The following LAMB2 variants were observed in gnomAD, a reference collection of about 807,000 sequenced individuals.
LAMB2 encodes laminin subunit beta-2.
A neutral mutation model predicts 202.7 loss-of-function variants in LAMB2; 119 were observed. That is an observed-to-expected ratio of 0.59 (90% confidence interval 0.51 to 0.68). LAMB2 has a LOEUF of 0.68. LAMB2 is among the 30% of genes least tolerant of loss of function. The pLI, the probability that LAMB2 is intolerant of heterozygous loss-of-function variation, is 0.00. For synonymous variants in LAMB2, 818 were observed against 902.2 expected (o/e 0.91, Z 1.67); for missense variants, 2,124 against 2,410.6 (o/e 0.88, Z 2.49).
intron 15 of LAMB2, among the ~76,000 whole-genome samples, chr3:49,127,944 C>T (rs1257527673): frequency 1.5e-5 from 2 of 135,052 alleles, no homozygotes; most frequent in Non-Finnish European, 3.1e-5. Context: ...TGCTTGAACC[C>T]GGGAGGTGGA....
chr3:49,122,196 G>A lies in LAMB2; in HGVS notation c.4748C>T (p.Ala1583Val). ...LARTVGDVRR[A>V]EQLLQDARRA... ...CCGTGCATCCTGCAGTAGCTGCTCG[G>A]CACGACGCACATCTCCTACAGTACG... Residue 1583 changes from alanine (A) to valine (V), a missense_variant, in exon 28 of 32, where the codon GCC (alanine) becomes GTC (valine). Transcript: ENST00000305544. 6.2e-7 allele frequency: 1 copy of A among 1,613,438 alleles called. No homozygotes were observed. Among genetic ancestry groups the A allele is most frequent in the Non-Finnish European group, 8.5e-7 (1 of 1,180,026 alleles).
In LAMB2 at chr3:49,123,208, T is replaced by C. The variant is rs754983373; in HGVS notation, c.4148A>G (p.His1383Arg). Residue 1383 changes from histidine (H) to arginine (R), a missense_variant, in exon 26 of 32, where the codon CAC (histidine) becomes CGC (arginine). By Grantham distance (29) the His-to-Arg change is conservative. Coordinates refer to ENST00000305544, the MANE Select transcript of LAMB2 (RefSeq NM_002292.4). The part of the protein sequence containing the change: ...DAQKEDFNSK[H>R]MANQRALGKL... The stretch of plus-strand genomic sequence containing the variant: ...GCCAAGTGCCCGCTGGTTGGCCATG[T>C]GTTTGCTGTTGAAGTCCTCCTTCTG... 2.6e-4 allele frequency: 426 copies of C among 1,613,818 alleles called. No individual in the cohort carries two copies. Among genetic ancestry groups the C allele is most frequent in the Non-Finnish European group, 3.5e-4 (418 of 1,180,030 alleles).
In LAMB2 at chr3:49,124,882, T is replaced by C. The variant is rs922832434; in HGVS notation, c.2928A>G (p.Pro976=). The stretch of plus-strand genomic sequence containing the variant: ...GTTGGCACCGGCCACCTGGCCTTGA[T>C]GGGTCCCCAAAGTGCCCAGGGGCAC... The part of the protein sequence containing the change: ...EACAPGHFGD[P]SRPGGRCQLC... Residue 976 remains proline, a synonymous_variant, in exon 21 of 32, where the codon CCA becomes CCG. Transcript: ENST00000305544. 1 of 1,614,114 alleles carries C rather than the reference T, an allele frequency of 6.2e-7. No homozygotes were observed. Among genetic ancestry groups the C allele is most frequent in the Non-Finnish European group, 8.5e-7 (1 of 1,180,024 alleles).
Position 49,122,065 on chromosome 3 carries a change from T to A in LAMB2, c.4802A>T (p.Lys1601Ile), listed in dbSNP as rs771959670. Reference protein sequence around the residue: ...RRARSWAEDEKQKAETVQAAL... With the variant: ...RRARSWAEDEIQKAETVQAAL... Reference sequence around the variant, plus strand: ...TGCCTGTACTGTCTCTGCCTTCTGTTTCTCATCCTCAGCCCAGCTCCTGGG... The same window carrying A: ...TGCCTGTACTGTCTCTGCCTTCTGTATCTCATCCTCAGCCCAGCTCCTGGG... The change falls in exon 29 of 32, where the codon AAA (lysine) becomes ATA (isoleucine). Residue 1601 changes from lysine (K) to isoleucine (I), a missense_variant. Transcript: ENST00000305544. 6.2e-7 allele frequency: 1 copy of A among 1,613,548 alleles called. No homozygotes were observed. Among genetic ancestry groups the A allele is most frequent in the East Asian group, 2.2e-5 (1 of 44,886 alleles).
In LAMB2 at chr3:49,121,316, C is replaced by T. The variant is rs2045222195; in HGVS notation, c.5307G>A (p.Lys1769=). The T allele has an allele frequency of 6.2e-7, 1 of 1,613,816 alleles. No homozygotes were observed. The highest frequency in any genetic ancestry group is 8.5e-7 in the Non-Finnish European group (1 of 1,180,036). The part of the protein sequence containing the change: ...YEENERALES[K]AAQLDGLEAR... ...CCTCCAACCCGTCCAACTGGGCTGC[C>T]TTACTCTCCAGTGCCCGCTCATTTT... Residue 1769 remains lysine, a synonymous_variant, in exon 32 of 32, where the codon AAG becomes AAA. Transcript: ENST00000305544.
Position 49,132,218 on chromosome 3 carries a change from C to CA in LAMB2, c.386-30dup. 6.2e-7 allele frequency: 1 copy of CA among 1,614,182 alleles called. No homozygotes were observed. Among genetic ancestry groups the CA allele is most frequent in the South Asian group, 1.1e-5 (1 of 91,074 alleles). On this transcript the variant is annotated intron_variant, in intron 3 of 31. Coordinates refer to ENST00000305544, the MANE Select transcript of LAMB2 (RefSeq NM_002292.4). This position sits in a 1 kb window ranked among gnomAD's most constrained non-coding sequence, Gnocchi z 4.6. Reference sequence around the variant, plus strand: ...GGACAGGAATCGGAAGTCAAGGACTCAAAGCTACTGGTGGGCAGCCCTGCT... The same window carrying CA: ...GGACAGGAATCGGAAGTCAAGGACTCAAAAGCTACTGGTGGGCAGCCCTGCT...
chr3:49,122,579 G>A (rs1426048019), intron 27 of LAMB2, 125 bp downstream of exon 27: 1 of 995,902 alleles, frequency 1.0e-6, no homozygotes, highest in South Asian at 1.3e-5. Context: ...TCAGGAGCCA[G>A]TCAAGGGATC....
Position 49,131,971 on chromosome 3 carries a change from C to G in LAMB2, c.459+145G>C. ...AAGGCAGAAGAGCATGTGCAAAGGC[C>G]TGGAGGCAAATGGAAGGTGTGAAGG... On this transcript the variant is annotated intron_variant, in intron 4 of 31. Transcript: ENST00000305544. The surrounding 1 kb of genome is among the most constrained non-coding windows in gnomAD (Gnocchi z 5.0). 2.2e-6 allele frequency: 2 copies of G among 916,250 alleles called. No individual in the cohort carries two copies. Among genetic ancestry groups the G allele is most frequent in the Non-Finnish European group, 3.5e-6 (2 of 563,848 alleles). 56.8% of individuals were successfully genotyped at this position (916,250 alleles called of 1,614,324 possible). A position where few individuals can be genotyped will look rare whatever the true frequency, so the allele number is the denominator to read the frequency against.
intron 15 of LAMB2, among the ~76,000 whole-genome samples, chr3:49,126,774 A>G (rs2045420806): frequency 1.3e-5 from 2 of 152,120 alleles, no homozygotes. Flanking sequence ...GAACTTGCCA[A>G]TTCTCCTCAA....
chr3:49,121,797 A>C lies in LAMB2; in HGVS notation c.4987T>G (p.Leu1663Val), dbSNP rs371375999. 6.2e-7 allele frequency: 1 copy of C among 1,613,190 alleles called. No individual in the cohort carries two copies. Among genetic ancestry groups the C allele is most frequent in the Admixed American group, 1.7e-5 (1 of 60,010 alleles). ...LSSAGERARQ[L>V]DALLEALKLK... ...TTCAGAGCCTCCAGGAGAGCATCCA[A>C]CTGCCGAGCCCTTTCACCTGCAGAG... Residue 1663 changes from leucine (L) to valine (V), a missense_variant, in exon 30 of 32, where the codon TTG (leucine) becomes GTG (valine). Physicochemically the swap from Leu to Val is conservative, Grantham distance 32 (BLOSUM62 1). Around this residue, in one of 3 missense-constraint regions of LAMB2, gnomAD observed 1,702 missense variants for 1,896.3 expected, o/e 0.90. Transcript: ENST00000305544.
At position 49,130,088 on chromosome 3, in the gene LAMB2, C is replaced by T; in HGVS notation, c.1226-70G>A. 1.9e-6 allele frequency: 3 copies of T among 1,587,084 alleles called. No homozygotes were observed. The highest frequency in any genetic ancestry group is 2.2e-5 in the South Asian group (2 of 90,486). On this transcript the variant is annotated intron_variant, in intron 9 of 31. Transcript: ENST00000305544. This position sits in a 1 kb window ranked among gnomAD's most constrained non-coding sequence, Gnocchi z 5.0. Reference sequence around the variant, plus strand: ...AGCTCACTGCCAGTCCTCTCCTAAGCCTAAGGGATCCCACCCTGGATCCCT... The same window carrying T: ...AGCTCACTGCCAGTCCTCTCCTAAGTCTAAGGGATCCCACCCTGGATCCCT...
intron 15 of LAMB2, among the ~76,000 whole-genome samples, chr3:49,128,014 G>C (rs186451401): frequency 1.0e-5 from 1 of 96,704 alleles, no homozygotes; most frequent in Non-Finnish European, 1.9e-5. Context: ...GCGAGACTCC[G>C]TCTCAAAAAA....
Position 49,125,477 on chromosome 3 carries a change from C to G in LAMB2, c.2496G>C (p.Gln832His). ...TGCTGAGTGCCCCCTCGTGGCTGCA[C>G]TGGCAGGCTAGGAGCAAGGCAGAGC... ...GFGPTGCQAC[Q>H]CSHEGALSSL... Residue 832 changes from glutamine (Q) to histidine (H), a missense_variant, in exon 19 of 32, where the codon CAG becomes CAC. Gln to His is a conservative substitution (Grantham distance 24, BLOSUM62 0). Coordinates refer to ENST00000305544, the MANE Select transcript of LAMB2 (RefSeq NM_002292.4). 1 of 1,587,514 alleles carries G rather than the reference C, an allele frequency of 6.3e-7. No homozygotes were observed. Among genetic ancestry groups the G allele is most frequent in the African/African-American group, 1.3e-5 (1 of 74,180 alleles).
chr3:49,130,137 T>G lies in LAMB2; in HGVS notation c.1225+94A>C. The G allele has an allele frequency of 1.3e-6, 2 of 1,589,692 alleles. No homozygotes were observed. The highest frequency in any genetic ancestry group is 1.7e-6 in the Non-Finnish European group (2 of 1,159,880). On this transcript the variant is annotated intron_variant, in intron 9 of 31. Transcript: ENST00000305544. This position sits in a 1 kb window ranked among gnomAD's most constrained non-coding sequence, Gnocchi z 5.0. ...CTGGTCAAGTTCTATCCCAAGCCCC[T>G]AACCCCAATTTCCTGCAATTTAGAC...
In LAMB2 at chr3:49,123,115, C is replaced by T. The variant is rs943673806; in HGVS notation, c.4224+17G>A. The T allele has an allele frequency of 6.2e-7, 1 of 1,609,612 alleles. No individual in the cohort carries two copies. Among genetic ancestry groups the T allele is most frequent in the Non-Finnish European group, 8.5e-7 (1 of 1,180,016 alleles). On this transcript the variant is annotated intron_variant, in intron 26 of 31. Coordinates refer to ENST00000305544, the MANE Select transcript of LAMB2 (RefSeq NM_002292.4). ...AACATCTACACCCACCTGCCCCACC[C>T]AACACTTCAACCTCACCAGCTCATT...
rs753249251 is a variant in LAMB2, at chr3:49,124,501, G to A, written c.3221C>T (p.Pro1074Leu). ...QCPCLPNVQG[P>L]SCDRCAPNFW... is the part of the protein sequence containing the mutation. ...GTTGGGGGCACAGCGGTCACAGCTA[G>A]GGCCCTGGACATTGGGGAGGCATGG... The change falls in exon 22 of 32, where the codon CCT becomes CTT. Residue 1074 changes from proline to leucine, a missense_variant. Physicochemically the swap from Pro to Leu is moderately conservative, Grantham distance 98. This residue lies in a region of LAMB2 where 1,702 missense variants were observed against 1,896.3 expected (regional missense o/e 0.90). Transcript: ENST00000305544. 50 of 1,613,698 alleles carry A rather than the reference G, an allele frequency of 3.1e-5. No homozygotes were observed. The Admixed American group carries it at 8.0e-4, about 26-fold the overall frequency.
In LAMB2 at chr3:49,124,387, T is replaced by G. The variant is rs756229789; in HGVS notation, c.3327+8A>C. 4.4e-5 allele frequency: 71 copies of G among 1,613,238 alleles called. No individual in the cohort carries two copies. Among genetic ancestry groups the G allele is most frequent in the Non-Finnish European group, 5.9e-5 (70 of 1,179,700 alleles). On this transcript the variant is annotated splice_region_variant and intron_variant, in intron 22 of 31. Coordinates refer to ENST00000305544, the MANE Select transcript of LAMB2 (RefSeq NM_002292.4). ...ATCTAACCAGGGATCTGCAGGAGGG[T>G]CCCATACCTCGTTGCAGGTGGGGCC...
chr3:49,129,485 C>G lies in LAMB2; in HGVS notation c.1518+119G>C. ...CCTTGGCCTCCCAGACCTGAGGCTT[C>G]TCAGCCAGGACTGGATCCTAAGCTC... On this transcript the variant is annotated intron_variant, in intron 11 of 31. Coordinates refer to ENST00000305544, the MANE Select transcript of LAMB2 (RefSeq NM_002292.4). The surrounding 1 kb of genome is among the most constrained non-coding windows in gnomAD (Gnocchi z 6.1). 2 of 1,094,452 alleles carry G rather than the reference C, an allele frequency of 1.8e-6. No individual in the cohort carries two copies. Among genetic ancestry groups the G allele is most frequent in the Non-Finnish European group, 2.7e-6 (2 of 728,386 alleles). 67.8% of individuals were successfully genotyped at this position (1,094,452 alleles called of 1,614,324 possible). A position where few individuals can be genotyped will look rare whatever the true frequency, so the allele number is the denominator to read the frequency against.
rs1223476651 is a variant in LAMB2, at chr3:49,123,577, T to A, written c.3852A>T (p.Thr1284=). 1 of 1,614,206 alleles carries A rather than the reference T, an allele frequency of 6.2e-7. No homozygotes were observed. The highest frequency in any genetic ancestry group is 1.3e-5 in the African/African-American group (1 of 75,058). The change falls in exon 25 of 32, where the codon ACA becomes ACT. Residue 1284 remains threonine (T), a synonymous_variant. Coordinates refer to ENST00000305544, the MANE Select transcript of LAMB2 (RefSeq NM_002292.4). ...EHLTQLEADL[T]DVQDENFNAN... Reference sequence around the variant, plus strand: ...CATTGAAGTTCTCATCTTGCACATCTGTCAGGTCTGCCTCGAGCTGAGTCA... The same window carrying A: ...CATTGAAGTTCTCATCTTGCACATCAGTCAGGTCTGCCTCGAGCTGAGTCA...
Sources: gnomAD v4.1 joint callset for allele counts (sites outside exome capture counted in the v4.1 genomes callset) on GRCh38, gnomAD v4.1.1 for gene constraint, gnomAD v4.1.1 regional missense constraint, Gnocchi (gnomAD v3.1) non-coding constraint, MANE v1.5 for transcripts, NCBI Gene and HGNC (gene_info 2026-07-23, HGNC 2026-07-21) for gene names.